ZBED6: variants seen among roughly 807,000 people sequenced by gnomAD.
ZBED6 encodes zinc finger BED-type containing 6.
ZBED6 carries 40 observed loss-of-function variants against 58.4 expected under a neutral mutation model. That is an observed-to-expected ratio of 0.68 (90% CI 0.53 to 0.89). The LOEUF (loss-of-function observed/expected upper bound fraction) is 0.89, where lower values mean the gene tolerates loss of function less well. Ranked by LOEUF, ZBED6 falls within the 40% of genes least tolerant of loss-of-function variation. ZBED6 has a pLI of 0.00. For synonymous variants in ZBED6, 439 were observed against 350.6 expected (o/e 1.25, Z -2.82); for missense variants, 1,057 against 1,003.9 (o/e 1.05, Z -0.71).
exon 5 of ZBED6, chr1:203,829,508 C>T (rs1332120001): frequency 1.2e-6 from 2 of 1,614,024 alleles, no homozygotes; most frequent in African/African-American, 2.7e-5. Context: ...AGCCAACTTT[C>T]AGTTCAGCAG....
At position 203,848,416 on chromosome 1, in the gene ZBED6, A is replaced by C. The variant is rs1481465481; in HGVS notation, c.*4322+9A>C. The C allele has an allele frequency of 4.4e-6, 7 of 1,600,576 alleles. No individual in the cohort carries two copies. The highest frequency in any genetic ancestry group is 1.3e-5 in the African/African-American group (1 of 74,456). The stretch of plus-strand genomic sequence containing the variant: ...GAACAGAAGCTAAAGAGGTAAATTT[A>C]AGATTATTGTATGGTTTTGTTCATG... On this transcript the variant is annotated intron_variant, in intron 13 of 16. Transcript: ENST00000550078.
intron 11 of ZBED6, among the ~76,000 whole-genome samples, chr1:203,841,635 T>C (rs61827272): frequency 0.26 from 38,822 of 151,972 alleles, 5,244 homozygotes; most frequent in East Asian, 0.34. Context: ...AAACCGCCTT[T>C]GTCATCATGG....
intron 11 of ZBED6, 63 bp from the exon 12 acceptor site, chr1:203,847,121 G>A: frequency 1.3e-6 from 2 of 1,564,414 alleles, no homozygotes; most frequent in Non-Finnish European, 1.7e-6. Flanking sequence ...AGAATAGAGA[G>A]ATCATAAGTC....
At chr1:203,817,152 C>A in intron 2 of ZBED6, 28 bp downstream of exon 2, 1 of 1,559,830 alleles carries the variant, frequency 6.4e-7, no homozygotes, top group Non-Finnish European at 8.7e-7. Context: ...TAAATCAGTT[C>A]TTTCTACAAT....
intron 1 of ZBED6, among the ~76,000 whole-genome samples, chr1:203,816,684 A>G (rs1676491669): frequency 2.0e-5 from 3 of 152,168 alleles, no homozygotes; most frequent in South Asian, 2.1e-4. Flanking sequence ...CTTATTTACA[A>G]TGCTGTAACT....
rs537300795 is a variant in ZBED6, at chr1:203,815,793, A to G, written c.*2555-1133A>G. 4.6e-5 allele frequency among the ~76,000 whole-genome samples: 7 copies of G among 152,278 alleles called. No homozygotes were observed. The South Asian group carries it at 1.5e-3, about 32-fold the overall frequency. On this transcript the variant is annotated intron_variant, in intron 1 of 16. Coordinates refer to ENST00000550078, the Ensembl canonical transcript of ZBED6. ...TGATTTAATTGATTTCAAGTTGTAG[A>G]TCACTATTTCTGAAACCTGATCTTC...
rs764796461 is a variant in ZBED6, at chr1:203,852,125, C to T, written c.*4874-16C>T. The T allele has an allele frequency of 2.5e-6, 4 of 1,612,584 alleles. No individual in the cohort carries two copies. The South Asian group carries it at 3.3e-5, about 13-fold the overall frequency. Reference sequence around the variant, plus strand: ...TTTAAAACGGCAGTTTTCTAATAATCTTTTTTTTCTTACAGTCTTGTGCTG... The same window carrying T: ...TTTAAAACGGCAGTTTTCTAATAATTTTTTTTTTCTTACAGTCTTGTGCTG... On this transcript the variant is annotated splice_polypyrimidine_tract_variant and intron_variant, in intron 16 of 16. Coordinates refer to ENST00000550078, the Ensembl canonical transcript of ZBED6.
chr1:203,799,665 C>G (rs1490296710), exon 1 of ZBED6: 3 of 705,366 alleles, frequency 4.3e-6, no homozygotes, highest in Non-Finnish European at 7.7e-6. Context: ...GGTGCTACCC[C>G]TAATCCATCA....
At chr1:203,833,770 A>G in intron 8 of ZBED6, 21 bp from the exon 9 acceptor site, 2 of 1,602,934 alleles carry the variant, frequency 1.2e-6, no homozygotes, top group Non-Finnish European at 1.7e-6. Flanking sequence ...GGATAGAGAA[A>G]TTCTGCTTTT....
intron 9 of ZBED6, among the ~76,000 whole-genome samples, chr1:203,836,708 G>A (rs1283067161): frequency 1.3e-5 from 2 of 152,198 alleles, no homozygotes; most frequent in Non-Finnish European, 2.9e-5. Flanking sequence ...CCCGGGAGGT[G>A]GAGGTGGCAG....
chr1:203,798,468 A>G lies in ZBED6; in HGVS notation c.946A>G (p.Ile316Val), dbSNP rs576073615. 4.6e-5 allele frequency: 71 copies of G among 1,536,142 alleles called. 2 individuals are homozygous for G. The South Asian group carries it at 8.1e-4, about 18-fold the overall frequency. The change falls in exon 1 of 17, where the codon ATC becomes GTC. Residue 316 changes from isoleucine (I) to valine (V), a missense_variant. Coordinates refer to ENST00000550078, the Ensembl canonical transcript of ZBED6. ...ACGACACCTGCAAGCCACACATCCT[A>G]TCCATTGGGCTGTTGCCAACAAAGA...
At chr1:203,842,377 A>T (rs1206563709) in intron 11 of ZBED6, among the ~76,000 whole-genome samples, 1 of 152,128 alleles carries the variant, frequency 6.6e-6, no homozygotes, top group Non-Finnish European at 1.5e-5. Context: ...CAGGCAGATC[A>T]CTCGCGGTCA....
intron 9 of ZBED6, 82 bp downstream of exon 9, chr1:203,833,935 A>C: frequency 6.7e-7 from 1 of 1,503,352 alleles, no homozygotes; most frequent in Admixed American, 2.1e-5. Flanking sequence ...CTTTTTATAC[A>C]GATCTTTGTT....
intron 10 of ZBED6, among the ~76,000 whole-genome samples, chr1:203,839,706 A>C (rs1685481475): frequency 6.6e-6 from 1 of 152,186 alleles, no homozygotes; most frequent in Non-Finnish European, 1.5e-5. Context: ...TATTTCAATG[A>C]CAGTAAGGTT....
In ZBED6 at chr1:203,828,449, A is replaced by T. The variant is rs764998998; in HGVS notation, c.*2997+27A>T. On this transcript the variant is annotated intron_variant, in intron 4 of 16. Transcript: ENST00000550078. Reference sequence around the variant, plus strand: ...TGAGATCAGTTTTTAATTTTAAAAGAATATCAAATGAACACCTATTATGCA... The same window carrying T: ...TGAGATCAGTTTTTAATTTTAAAAGTATATCAAATGAACACCTATTATGCA... The T allele has an allele frequency of 4.4e-6, 7 of 1,581,300 alleles. No homozygotes were observed. The Admixed American group carries it at 1.3e-4, about 28-fold the overall frequency.
intron 14 of ZBED6, 32 bp from the exon 15 acceptor site, chr1:203,850,481 TCA>T (rs752925297): frequency 1.2e-6 from 2 of 1,613,116 alleles, no homozygotes; most frequent in Admixed American, 3.3e-5. Flanking sequence ...GAGTCTATTC[TCA>T]CTGCTTATCA....
intron 11 of ZBED6, among the ~76,000 whole-genome samples, chr1:203,840,901 T>C (rs755027019): frequency 3.3e-5 from 5 of 152,128 alleles, no homozygotes; most frequent in Non-Finnish European, 7.3e-5. Flanking sequence ...CCCAAAATCC[T>C]GGGATTACAG....
chr1:203,838,688 T>C (rs997517940), intron 10 of ZBED6, among the ~76,000 whole-genome samples: 1 of 152,140 alleles, frequency 6.6e-6, no homozygotes. Context: ...CGGTAGGTCA[T>C]GCCTGTAATC....
chr1:203,809,212 G>C (rs1273923426), intron 1 of ZBED6, among the ~76,000 whole-genome samples: 1 of 87,856 alleles, frequency 1.1e-5, no homozygotes, highest in African/African-American at 4.8e-5. Context: ...GTCTTGCTTT[G>C]TCTCCCAGGC....
Sources: allele counts gnomAD v4.1 joint callset (sites outside exome capture counted in the v4.1 genomes callset), GRCh38; gene constraint gnomAD v4.1.1; transcripts MANE v1.5; gene names NCBI Gene and HGNC (gene_info 2026-07-23, HGNC 2026-07-21).